MCMBP: variants seen among roughly 807,000 people sequenced by gnomAD.
The protein encoded by MCMBP is minichromosome maintenance complex binding protein, also known as mini-chromosome maintenance complex-binding protein.
MCMBP carries 31 observed loss-of-function variants against 81.3 expected under a neutral mutation model. The observed-to-expected ratio is 0.38, with a 90% CI of 0.29 to 0.51. MCMBP has a LOEUF of 0.51. MCMBP is among the 20% of genes least tolerant of loss of function. The pLI is 0.87. For synonymous variants in MCMBP, 267 were observed against 275.9 expected (o/e 0.97, Z 0.32); for missense variants, 645 against 772.1 (o/e 0.84, Z 1.95).
At chr10:119,857,312 A>G (rs1260611866) in intron 5 of MCMBP, 26 bp downstream of exon 5, 1 of 1,510,412 alleles carries the variant, frequency 6.6e-7, no homozygotes, top group Admixed American at 1.8e-5. Context: ...CCATCAACAC[A>G]GTAAGAAAGT....
intron 9 of MCMBP, chr10:119,843,044 C>T: frequency 3.7e-6 from 2 of 546,294 alleles, no homozygotes; most frequent in South Asian, 1.9e-5. Context: ...TGAGCCACTG[C>T]ACCCAGCCTT....
At chr10:119,849,642 A>C (rs965971327) in intron 6 of MCMBP, 66 bp from the exon 7 acceptor site, 2 of 1,427,594 alleles carry the variant, frequency 1.4e-6, no homozygotes, top group Admixed American at 5.6e-5. Flanking sequence ...AGAACATTCC[A>C]TAAGTGCCTT....
chr10:119,841,133 T>TA (rs1852418224), intron 10 of MCMBP, among the ~76,000 whole-genome samples, 173 bp from the exon 11 acceptor site: 1 of 152,244 alleles, frequency 6.6e-6, no homozygotes, highest in Non-Finnish European at 1.5e-5. Flanking sequence ...TATTTGTACG[T>TA]AAGTGCTGCT....
chr10:119,847,931 G>A (rs1330111746), intron 7 of MCMBP, among the ~76,000 whole-genome samples: 1 of 151,540 alleles, frequency 6.6e-6, no homozygotes, highest in Non-Finnish European at 1.5e-5. Flanking sequence ...CCAGACTAAT[G>A]TCTGTTTTCA....
chr10:119,850,166 C>T (rs539951810), intron 6 of MCMBP, among the ~76,000 whole-genome samples: 94 of 152,256 alleles, frequency 6.2e-4, no homozygotes, highest in African/African-American at 2.2e-3. Flanking sequence ...AGCAATAAAA[C>T]GGACAAACTA....
chr10:119,834,606 CA>C (rs1852167979), intron 14 of MCMBP, among the ~76,000 whole-genome samples: 2 of 151,894 alleles, frequency 1.3e-5, no homozygotes, highest in South Asian at 4.1e-4. Flanking sequence ...CACTTGAACC[CA>C]GGAGTTCGAG....
At chr10:119,848,972 C>T (rs1157016711) in intron 7 of MCMBP, among the ~76,000 whole-genome samples, 1 of 152,164 alleles carries the variant, frequency 6.6e-6, no homozygotes, top group African/African-American at 2.4e-5. Flanking sequence ...AAGGAATGTG[C>T]AGGTGTGATT....
chr10:119,833,970 G>A lies in MCMBP; in HGVS notation c.1707+1570C>T, dbSNP rs918880544. Among the ~76,000 whole-genome samples the A allele has an allele frequency of 2.6e-5, 4 of 151,996 alleles. No individual in the cohort carries two copies. In the South Asian group the frequency reaches 8.3e-4, roughly 32 times the overall value. ...AAAATATAGTAAAAATTCTCTAGAG[G>A]TGCTCAGATTTGATCAGGCAGAAGA... On this transcript the variant is annotated intron_variant, in intron 14 of 15. Coordinates refer to ENST00000369077, the MANE Select transcript of MCMBP (RefSeq NM_001256378.2).
intron 6 of MCMBP, among the ~76,000 whole-genome samples, chr10:119,850,273 T>C (rs1852762827): frequency 1.3e-5 from 2 of 152,096 alleles, no homozygotes; most frequent in African/African-American, 4.8e-5. Flanking sequence ...ATTCTTAAAA[T>C]GACAAAATTA....
At chr10:119,872,458 CG>C in intron 1 of MCMBP, 68 bp downstream of exon 1, 2 of 974,464 alleles carry the variant, frequency 2.1e-6, no homozygotes, top group Non-Finnish European at 1.3e-6. Context: ...GGCCGCGCGG[CG>C]GGGCCCTGCC....
rs111549370 is a variant in MCMBP, at chr10:119,831,614, C to A, written c.1797-14G>T. On this transcript the variant is annotated splice_polypyrimidine_tract_variant and intron_variant, in intron 15 of 15. Coordinates refer to ENST00000369077, the MANE Select transcript of MCMBP (RefSeq NM_001256378.2). ...AGAGACAGACACCTGGTTTGAAACA[C>A]AGAAACAAATTTAAGTCTAGAGCTG... 3.1e-4 allele frequency: 496 copies of A among 1,607,782 alleles called. 4 individuals carry two copies. The African/African-American group carries it at 5.7e-3, about 18-fold the overall frequency.
At chr10:119,865,290 C>A (rs931166628) in intron 1 of MCMBP, among the ~76,000 whole-genome samples, 7 of 152,206 alleles carry the variant, frequency 4.6e-5, no homozygotes, top group Admixed American at 3.9e-4. Context: ...TCTCACACAA[C>A]CTTTCTTAAA....
intron 8 of MCMBP, among the ~76,000 whole-genome samples, chr10:119,847,039 T>C (rs1852641962): frequency 6.6e-6 from 1 of 152,110 alleles, no homozygotes; most frequent in South Asian, 2.1e-4. Context: ...CTTCTCTATG[T>C]TGTAAAAATG....
In MCMBP at chr10:119,842,536, T is replaced by C. The variant is rs1378256127; in HGVS notation, c.1060A>G (p.Thr354Ala). 1.9e-6 allele frequency: 3 copies of C among 1,613,724 alleles called. No homozygotes were observed. The African/African-American group carries it at 4.0e-5, about 22-fold the overall frequency. Residue 354 changes from threonine (T) to alanine (A), a missense_variant, in exon 10 of 16, where the codon ACT becomes GCT. Transcript: ENST00000369077. ...AAACTATCCCCCAGAAGGGCATGAG[T>C]AAGGAACCCAAGAAGTTCTGCTCTG... ...PVRAELLGFL[T>A]HALLGDSLAA...
chr10:119,859,708 T>C, intron 2 of MCMBP, 91 bp downstream of exon 2: 2 of 781,532 alleles, frequency 2.6e-6, no homozygotes, highest in Non-Finnish European at 4.0e-6. Flanking sequence ...TTTACATATT[T>C]TTAAATTACA....
chr10:119,872,103 A>T (rs1365444318), intron 1 of MCMBP, among the ~76,000 whole-genome samples: 1 of 152,180 alleles, frequency 6.6e-6, no homozygotes, highest in Non-Finnish European at 1.5e-5. Flanking sequence ...GTTTTGAAAT[A>T]TCCTGTGGGC....
chr10:119,859,309 T>C (rs913076994), intron 2 of MCMBP, 128 bp from the exon 3 acceptor site: 4 of 714,810 alleles, frequency 5.6e-6, no homozygotes, highest in African/African-American at 3.6e-5. Context: ...CACACACCCA[T>C]GCCACATCAG....
intron 14 of MCMBP, among the ~76,000 whole-genome samples, chr10:119,833,507 GAAAAAACA>G (rs1258236247): frequency 6.6e-6 from 1 of 151,510 alleles, no homozygotes; most frequent in African/African-American, 2.4e-5. Flanking sequence ...AAAAAGAAAA[GAAAAAACA>G]AAAAAACAAA....
At chr10:119,842,148 C>T (rs773786029) in intron 10 of MCMBP, among the ~76,000 whole-genome samples, 5 of 152,134 alleles carry the variant, frequency 3.3e-5, no homozygotes, top group African/African-American at 7.2e-5. Context: ...TGAGGTGGAA[C>T]GGTTTCATAC....
Sources: gnomAD v4.1 joint callset for allele counts (sites outside exome capture counted in the v4.1 genomes callset) on GRCh38, gnomAD v4.1.1 for gene constraint, MANE v1.5 for transcripts, NCBI Gene and HGNC (gene_info 2026-07-23, HGNC 2026-07-21) for gene names.